Variants in CXXC4 observed in about 807,000 individuals in gnomAD.
The protein encoded by CXXC4 is CXXC-type zinc finger protein 4.
Under a neutral mutation model 20.5 loss-of-function variants are expected in CXXC4, and 5 were observed. That is an observed-to-expected ratio of 0.24 (90% CI 0.13 to 0.51). The LOEUF (loss-of-function observed/expected upper bound fraction) is 0.51, where lower values mean the gene tolerates loss of function less well. Ranked by LOEUF, CXXC4 falls within the 20% of genes least tolerant of loss-of-function variation. The pLI is 0.97. For synonymous variants in CXXC4, 250 were observed against 216.4 expected (o/e 1.16, Z -1.36); for missense variants, 419 against 496.4 (o/e 0.84, Z 1.48).
At position 104,470,711 on chromosome 4, in the gene CXXC4, C is replaced by T. The variant is rs1336188200; in HGVS notation, c.*1611G>A. On this transcript the variant is annotated 3_prime_UTR_variant, in exon 3 of 3. Coordinates refer to ENST00000394767, the MANE Select transcript of CXXC4 (RefSeq NM_025212.4). ...TAATGGATTTAGTGGGTTAAATCAC[C>T]TGGCTAGTGGACAAAGAACAAAAAG... 6.6e-6 allele frequency: 1 copy of T among 152,014 alleles called. No homozygotes were observed. The highest frequency in any genetic ancestry group is 1.5e-5 in the Non-Finnish European group (1 of 67,984). The allele number at this position is 152,014 out of a possible 1,614,324, so 9.4% of individuals were successfully genotyped here. A position where few individuals can be genotyped will look rare whatever the true frequency, so the allele number is the denominator to read the frequency against.
intron 2 of CXXC4, among the ~76,000 whole-genome samples, chr4:104,482,800 A>C (rs920021984): frequency 6.6e-6 from 1 of 152,022 alleles, no homozygotes; most frequent in African/African-American, 2.4e-5. Context: ...ATTTTTCCTA[A>C]TCTACAAACA....
intron 2 of CXXC4, among the ~76,000 whole-genome samples, chr4:104,479,105 G>GA (rs1319205782): frequency 6.6e-6 from 1 of 152,020 alleles, no homozygotes; most frequent in Non-Finnish European, 1.5e-5. Flanking sequence ...ATTAGCCATT[G>GA]AAAAACAATG....
chr4:104,468,390 T>G lies in CXXC4; in HGVS notation c.*3932A>C, dbSNP rs1736175259. 2 of 93,726 alleles carry G rather than the reference T, an allele frequency of 2.1e-5. No homozygotes were observed. Among genetic ancestry groups the G allele is most frequent in the African/African-American group, 1.2e-4 (2 of 16,730 alleles). 5.8% of individuals were successfully genotyped at this position (93,726 alleles called of 1,614,324 possible). A position where few individuals can be genotyped will look rare whatever the true frequency, so the allele number is the denominator to read the frequency against. On this transcript the variant is annotated 3_prime_UTR_variant, in exon 3 of 3. Transcript: ENST00000394767. The stretch of plus-strand genomic sequence containing the variant: ...CTGGGCAAATTGAATGTGATTTTTT[T>G]TACTTTTTTTTTTTTTTTACAGTTT...
intron 2 of CXXC4, among the ~76,000 whole-genome samples, chr4:104,484,490 G>C (rs534688301): frequency 3.3e-5 from 5 of 151,984 alleles, no homozygotes; most frequent in African/African-American, 9.6e-5. Context: ...TGAATATGAC[G>C]TCTTTGAAAA....
chr4:104,474,521 C>T (rs1736355397), intron 2 of CXXC4, among the ~76,000 whole-genome samples: 1 of 151,812 alleles, frequency 6.6e-6, no homozygotes, highest in Non-Finnish European at 1.5e-5. Flanking sequence ...CTGGCTGATG[C>T]CAACTAAGAA....
chr4:104,485,824 T>G (rs963184948), intron 2 of CXXC4, among the ~76,000 whole-genome samples: 2 of 152,120 alleles, frequency 1.3e-5, no homozygotes, highest in African/African-American at 4.8e-5. Context: ...TGTTTTGTAC[T>G]TATCAATCTA....
intron 1 of CXXC4, among the ~76,000 whole-genome samples, chr4:104,493,631 T>C (rs1009261971): frequency 6.6e-6 from 1 of 152,158 alleles, no homozygotes; most frequent in Non-Finnish European, 1.5e-5. Context: ...CATCTTTCAA[T>C]CACAGCAAGT....
At chr4:104,489,601 A>G (rs1189123469) in intron 2 of CXXC4, among the ~76,000 whole-genome samples, 1 of 152,232 alleles carries the variant, frequency 6.6e-6, no homozygotes, top group Non-Finnish European at 1.5e-5. Flanking sequence ...GTATATATGA[A>G]CATCTAATTA....
At chr4:104,477,083 C>T (rs1474543149) in intron 2 of CXXC4, among the ~76,000 whole-genome samples, 1 of 152,124 alleles carries the variant, frequency 6.6e-6, no homozygotes, top group Admixed American at 6.6e-5. Context: ...TATCATTTCA[C>T]ACTAGAATGC....
intron 1 of CXXC4, among the ~76,000 whole-genome samples, chr4:104,493,803 C>T (rs1347546065): frequency 3.3e-5 from 5 of 152,214 alleles, no homozygotes; most frequent in Admixed American, 3.3e-4. Context: ...ATGCATATAG[C>T]TTCAGTTTCT....
At chr4:104,492,767 A>C (rs144010632) in intron 1 of CXXC4, among the ~76,000 whole-genome samples, 1,753 of 151,966 alleles carry the variant, frequency 0.012, 21 homozygotes, top group Non-Finnish European at 0.016. Context: ...ACAGGTCTCA[A>C]TTGTACAAGC....
chr4:104,475,826 C>G (rs74698631), intron 2 of CXXC4, among the ~76,000 whole-genome samples: 1,705 of 152,088 alleles, frequency 0.011, 15 homozygotes, highest in South Asian at 0.032. Flanking sequence ...AGCCAGATTC[C>G]CCTGAAGAGA....
At chr4:104,485,443 C>T (rs1736662190) in intron 2 of CXXC4, among the ~76,000 whole-genome samples, 1 of 152,020 alleles carries the variant, frequency 6.6e-6, no homozygotes, top group Admixed American at 6.5e-5. Flanking sequence ...AGCATATCCA[C>T]TCATATTGAA....
At chr4:104,490,363 T>C (rs1736812211) in intron 2 of CXXC4, among the ~76,000 whole-genome samples, 1 of 152,212 alleles carries the variant, frequency 6.6e-6, no homozygotes, top group Non-Finnish European at 1.5e-5. Context: ...GCCAGTAAAC[T>C]TGTATAGGAT....
intron 2 of CXXC4, among the ~76,000 whole-genome samples, chr4:104,482,339 A>G (rs1042182392): frequency 6.6e-6 from 1 of 152,188 alleles, no homozygotes; most frequent in African/African-American, 2.4e-5. Context: ...AACTCTACAT[A>G]TAGCAGCATT....
intron 2 of CXXC4, among the ~76,000 whole-genome samples, chr4:104,487,528 G>A (rs993515767): frequency 6.7e-4 from 102 of 152,290 alleles, no homozygotes; most frequent in African/African-American, 2.4e-3. Flanking sequence ...CTTTGCAAGA[G>A]ACAAAGTGTT....
At chr4:104,477,326 A>G (rs1736437744) in intron 2 of CXXC4, among the ~76,000 whole-genome samples, 1 of 152,164 alleles carries the variant, frequency 6.6e-6, no homozygotes, top group African/African-American at 2.4e-5. Context: ...GAAGAATGCT[A>G]AAACATTGTT....
chr4:104,478,934 G>GTA (rs1400010336), intron 2 of CXXC4, among the ~76,000 whole-genome samples: 1 of 151,792 alleles, frequency 6.6e-6, no homozygotes. Context: ...TCATTTGCAT[G>GTA]TATATATATG....
Position 104,491,055 on chromosome 4 carries a change from C to G in CXXC4, c.748G>C (p.Gly250Arg), listed in dbSNP as rs1476268108. 6.2e-7 allele frequency: 1 copy of G among 1,613,894 alleles called. No individual in the cohort carries two copies. The highest frequency in any genetic ancestry group is 1.3e-5 in the African/African-American group (1 of 74,878). ...TGAAGGGCTGTCATGACGATGACCC[C>G]TGGAGGTAATGAGATGCCCCCTAAA... ...PALGGISLPPGVIVMTALHSP... is the reference protein window; with the variant it reads ...PALGGISLPPRVIVMTALHSP... The change falls in exon 2 of 3, where the codon GGG (glycine) becomes CGG (arginine). Residue 250 changes from glycine to arginine, a missense_variant. Physicochemically the swap from Gly to Arg is moderately radical, Grantham distance 125 (BLOSUM62 -2). Coordinates refer to ENST00000394767, the MANE Select transcript of CXXC4 (RefSeq NM_025212.4).
Sources: allele counts gnomAD v4.1 joint callset (sites outside exome capture counted in the v4.1 genomes callset), GRCh38; gene constraint gnomAD v4.1.1; transcripts MANE v1.5; gene names NCBI Gene and HGNC (gene_info 2026-07-23, HGNC 2026-07-21).